Variants in MLLT3 observed in about 807,000 individuals in gnomAD.
The protein encoded by MLLT3 is protein AF-9.
Under a neutral mutation model 53.2 loss-of-function variants are expected in MLLT3, and 4 were observed. The ratio of observed to expected loss-of-function variants is 0.08; its 90% CI spans 0.04 to 0.17. The LOEUF is 0.17. MLLT3 is among the 10% of genes least tolerant of loss of function. The probability of loss-of-function intolerance (pLI) is 1.00; values close to 1 mark genes in which losing one functional copy is unlikely to be tolerated. For synonymous variants in MLLT3, 283 were observed against 230.6 expected, an observed-to-expected ratio of 1.23 and a Z score of -2.06; for missense variants, 569 against 684.0, an observed-to-expected ratio of 0.83 and a Z score of 1.87.
Position 20,442,241 on chromosome 9 carries a change from A to G in MLLT3, c.420+5882T>C, listed in dbSNP as rs1333888043. 2.0e-5 allele frequency among the ~76,000 whole-genome samples: 3 copies of G among 152,268 alleles called. No homozygotes were observed. In the East Asian group the frequency reaches 5.8e-4, roughly 29 times the overall value. On this transcript the variant is annotated intron_variant, in intron 4 of 10. Transcript: ENST00000380338. ...AGTTTAATAAATCATCCTGTGGAGA[A>G]AAAGGCACTCACGTACTATTTGGTG...
intron 2 of MLLT3, among the ~76,000 whole-genome samples, chr9:20,467,785 T>C (rs1007733649): frequency 4.6e-5 from 7 of 152,218 alleles, no homozygotes; most frequent in African/African-American, 1.7e-4. Context: ...AAAAGGAGGC[T>C]GAAGGTTAAG....
intron 8 of MLLT3, among the ~76,000 whole-genome samples, chr9:20,358,221 C>G (rs1821221867): frequency 6.6e-6 from 1 of 152,116 alleles, no homozygotes; most frequent in South Asian, 2.1e-4. Context: ...CAATACTAAA[C>G]AAGGTTTAAG....
At chr9:20,529,008 A>G (rs142639942) in intron 2 of MLLT3, among the ~76,000 whole-genome samples, 2 of 152,320 alleles carry the variant, frequency 1.3e-5, no homozygotes, top group East Asian at 3.9e-4. Context: ...GAAAAATCAA[A>G]GACTACCAGT....
At chr9:20,398,555 T>C (rs1215171740) in intron 5 of MLLT3, among the ~76,000 whole-genome samples, 7 of 152,044 alleles carry the variant, frequency 4.6e-5, no homozygotes, top group Non-Finnish European at 1.0e-4. Flanking sequence ...AAGGGGCATT[T>C]TACCCGTTCC....
chr9:20,537,078 T>C (rs1449877542), intron 2 of MLLT3, among the ~76,000 whole-genome samples: 3 of 152,234 alleles, frequency 2.0e-5, no homozygotes, highest in Non-Finnish European at 2.9e-5. Flanking sequence ...AGTCCCAAAG[T>C]AGCCAATTAT....
chr9:20,622,065 C>CG (rs71334542), intron 1 of MLLT3, 180 bp downstream of exon 1: 33,640 of 58,528 alleles, frequency 0.57, 6,980 homozygotes, highest in Middle Eastern at 0.61. Context: ...GTGTGCGCGC[C>CG]GGGGGGGGGT....
chr9:20,619,508 T>C (rs901313058), intron 2 of MLLT3, among the ~76,000 whole-genome samples: 2 of 152,248 alleles, frequency 1.3e-5, no homozygotes, highest in Non-Finnish European at 2.9e-5. Flanking sequence ...AGAATGGATT[T>C]ATTATGATAT....
chr9:20,391,528 G>C (rs188290332), intron 5 of MLLT3, among the ~76,000 whole-genome samples: 3 of 152,158 alleles, frequency 2.0e-5, no homozygotes. Flanking sequence ...AGTGAGCCTA[G>C]GCGGATCAAA....
intron 5 of MLLT3, among the ~76,000 whole-genome samples, chr9:20,396,136 CCTA>C (rs1822316357): frequency 6.6e-6 from 1 of 151,142 alleles, no homozygotes; most frequent in African/African-American, 2.4e-5. Context: ...GGATAAAATG[CCTA>C]CTATAAACCA....
chr9:20,588,633 C>G lies in MLLT3; in HGVS notation c.193+32021G>C, dbSNP rs199512166. On this transcript the variant is annotated intron_variant, in intron 2 of 10. Coordinates refer to ENST00000380338, the MANE Select transcript of MLLT3 (RefSeq NM_004529.4). ...TGAATGGGAGTTCACTCATGATTTG[C>G]CTCTCTGTTTGTCTGTTGTTGGTGT... Among the ~76,000 whole-genome samples, 8 of 152,170 alleles carry G rather than the reference C, an allele frequency of 5.3e-5. No homozygotes were observed. The South Asian group carries it at 1.0e-3, about 20-fold the overall frequency.
chr9:20,346,379 C>CAAAAAAAAAAAAACAAAAAAA lies in MLLT3; in HGVS notation c.*63_*64insTTTTTTTGTTTTTTTTTTTTT. 1 of 982,276 alleles carries CAAAAAAAAAAAAACAAAAAAA rather than the reference C, an allele frequency of 1.0e-6. No homozygotes were observed. The highest frequency in any genetic ancestry group is 1.3e-6 in the Non-Finnish European group (1 of 760,718). 60.8% of individuals were successfully genotyped at this position (982,276 alleles called of 1,614,324 possible). ...AACAACAAGAACAAAAAATCACAACCAAAAAAAAAAAAAACCAAAAAAAAA... is the reference window on the plus strand; with the variant it reads ...AACAACAAGAACAAAAAATCACAACCAAAAAAAAAAAAACAAAAAAAAAAAAAAAAAAAAACCAAAAAAAAA... On this transcript the variant is annotated 3_prime_UTR_variant, in exon 11 of 11. Coordinates refer to ENST00000380338, the MANE Select transcript of MLLT3 (RefSeq NM_004529.4).
At chr9:20,486,738 C>T (rs951967200) in intron 2 of MLLT3, among the ~76,000 whole-genome samples, 60 of 152,310 alleles carry the variant, frequency 3.9e-4, no homozygotes, top group Non-Finnish European at 8.5e-4. Context: ...GAGATTTAAA[C>T]TGTCAGACAG....
Position 20,343,183 on chromosome 9 carries a change from CAAAAAAAAAAAAAA to C in MLLT3, c.*3246_*3259del, listed in dbSNP as rs71334526. 13 of 40,346 alleles carry C rather than the reference CAAAAAAAAAAAAAA, an allele frequency of 3.2e-4. No individual in the cohort carries two copies. Among genetic ancestry groups the C allele is most frequent in the Middle Eastern group, 0.025 (1 of 40 alleles). The allele number at this position is 40,346 out of a possible 1,614,324, so 2.5% of individuals were successfully genotyped here. A position where few individuals can be genotyped will look rare whatever the true frequency, so the allele number is the denominator to read the frequency against. Reference sequence around the variant, plus strand: ...TAGGTGGGCCTGTAAAAGATATCGGCAAAAAAAAAAAAAAAAAAAAAAAAAAAAAAATTTTGAAG... The same window carrying C: ...TAGGTGGGCCTGTAAAAGATATCGGCAAAAAAAAAAAAAAAAATTTTGAAG... On this transcript the variant is annotated 3_prime_UTR_variant, in exon 11 of 11. Transcript: ENST00000380338.
intron 2 of MLLT3, among the ~76,000 whole-genome samples, chr9:20,555,469 T>A (rs933003534): frequency 6.6e-6 from 1 of 152,128 alleles, no homozygotes; most frequent in African/African-American, 2.4e-5. Flanking sequence ...CTTGAACCCA[T>A]AAAGCTGAGA....
At chr9:20,487,540 C>G (rs1824844256) in intron 2 of MLLT3, among the ~76,000 whole-genome samples, 1 of 152,102 alleles carries the variant, frequency 6.6e-6, no homozygotes, top group African/African-American at 2.4e-5. Context: ...TTTATACTCC[C>G]TAATCAGTAC....
chr9:20,560,908 C>T (rs535873409), intron 2 of MLLT3, among the ~76,000 whole-genome samples: 19 of 152,128 alleles, frequency 1.2e-4, no homozygotes, highest in African/African-American at 3.1e-4. Context: ...ATCATTTCTA[C>T]GTATTGGTAA....
At chr9:20,609,691 G>A (rs1030619889) in intron 2 of MLLT3, among the ~76,000 whole-genome samples, 23 of 152,096 alleles carry the variant, frequency 1.5e-4, no homozygotes, top group Admixed American at 9.2e-4. Flanking sequence ...GATGGTTGAG[G>A]TGAATGGCAC....
chr9:20,589,608 T>C (rs1223045980), intron 2 of MLLT3, among the ~76,000 whole-genome samples: 1 of 151,928 alleles, frequency 6.6e-6, no homozygotes, highest in Admixed American at 6.6e-5. Flanking sequence ...AGAAAATTTT[T>C]TTATAAAAAA....
chr9:20,352,505 C>G (rs1296597922), intron 10 of MLLT3, among the ~76,000 whole-genome samples: 1 of 152,112 alleles, frequency 6.6e-6, no homozygotes. Flanking sequence ...CTTACCCATA[C>G]TAACTAAAAA....
Sources: allele counts gnomAD v4.1 joint callset (sites outside exome capture counted in the v4.1 genomes callset), GRCh38; gene constraint gnomAD v4.1.1; transcripts MANE v1.5; gene names NCBI Gene and HGNC (gene_info 2026-07-23, HGNC 2026-07-21).